H2BC18: variants seen among roughly 807,000 people sequenced by gnomAD.
H2BC18 encodes the protein H2B clustered histone 18.
A neutral mutation model predicts 6.3 loss-of-function variants in H2BC18; 8 were observed. The ratio of observed to expected loss-of-function variants is 1.28; its 90% CI spans 0.75 to 2.31. The LOEUF is 2.31. H2BC18 is among the 30% of genes most tolerant of loss of function. The probability of loss-of-function intolerance (pLI) is 0.00; values close to 1 mark genes in which losing one functional copy is unlikely to be tolerated. For synonymous variants in H2BC18, 104 were observed against 78.1 expected, an observed-to-expected ratio of 1.33 and a Z score of -1.75; for missense variants, 106 against 174.5, an observed-to-expected ratio of 0.61 and a Z score of 2.21.
rs587631305 is a variant in H2BC18, at chr1:149,801,031, A to G, written c.377+10916T>C. Among the ~76,000 whole-genome samples, 6 of 152,322 alleles carry G rather than the reference A, an allele frequency of 3.9e-5. No homozygotes were observed. In the East Asian group the frequency reaches 7.7e-4, roughly 20 times the overall value. On this transcript the variant is annotated intron_variant, in intron 1 of 1. Transcript: ENST00000545683. ...AGCCCAGGAGGTTGGGGCTGCAGTG[A>G]GTTGAGATCGTGCCACTGCACTCCA...
chr1:149,807,100 CAGT>C (rs2091924435), downstream of H2BC18, among the ~76,000 whole-genome samples: 1 of 152,108 alleles, frequency 6.6e-6, no homozygotes, highest in Admixed American at 6.6e-5. Flanking sequence ...AGCAGGGAAA[CAGT>C]GGTGGAGGTG....
chr1:149,808,248 G>A (rs587701977), downstream of H2BC18, among the ~76,000 whole-genome samples: 13 of 152,292 alleles, frequency 8.5e-5, no homozygotes, highest in African/African-American at 2.6e-4. Flanking sequence ...TGATATACTC[G>A]TCACACAGAA....
chr1:149,798,475 G>A (rs1403546533), intron 1 of H2BC18, among the ~76,000 whole-genome samples: 1 of 151,954 alleles, frequency 6.6e-6, no homozygotes, highest in African/African-American at 2.4e-5. Context: ...ACTTATCACT[G>A]TGATTGTTGA....
chr1:149,809,616 G>A (rs1172552037), downstream of H2BC18, among the ~76,000 whole-genome samples: 43 of 145,814 alleles, frequency 2.9e-4, no homozygotes, highest in African/African-American at 1.0e-3. Flanking sequence ...AATAAATACC[G>A]AGAAGCATAT....
intron 1 of H2BC18, chr1:149,786,889 T>C (rs1553750897): frequency 6.6e-6 from 1 of 152,218 alleles, no homozygotes; most frequent in East Asian, 1.9e-4. Context: ...TTAGTATTTG[T>C]TGAAAATTGC....
chr1:149,788,804 A>G (rs1470150958), intron 1 of H2BC18, among the ~76,000 whole-genome samples: 2 of 152,136 alleles, frequency 1.3e-5, no homozygotes, highest in Non-Finnish European at 2.9e-5. Flanking sequence ...TCCTAGTCCA[A>G]TACTCTTTCC....
chr1:149,793,090 C>T, intron 1 of H2BC18: 1 of 1,274,044 alleles, frequency 7.8e-7, no homozygotes, highest in Non-Finnish European at 1.0e-6. Flanking sequence ...TTGCAGCTGC[C>T]GCCAAGCCCC....
Position 149,812,348 on chromosome 1 carries a change from G to T in H2BC18, c.-25C>A. On this transcript the variant is annotated 5_prime_UTR_variant, in exon 1 of 1. Coordinates refer to ENST00000369167, the MANE Select transcript of H2BC18 (RefSeq NM_001024599.5). ...TTTTTGCGCGAAAAAAGAGAAAAGAGACTTAAAGAAGTAATCCGAACTACC... is the reference window on the plus strand; with the variant it reads ...TTTTTGCGCGAAAAAAGAGAAAAGATACTTAAAGAAGTAATCCGAACTACC... 1 of 1,614,074 alleles carries T rather than the reference G, an allele frequency of 6.2e-7. No individual in the cohort carries two copies. Among genetic ancestry groups the T allele is most frequent in the Non-Finnish European group, 8.5e-7 (1 of 1,179,998 alleles).
chr1:149,790,638 T>C (rs1553751687), intron 1 of H2BC18, among the ~76,000 whole-genome samples: 2 of 149,040 alleles, frequency 1.3e-5, no homozygotes, highest in Admixed American at 6.7e-5. Context: ...TCCCTCCCAC[T>C]CTTCCCTCCA....
rs1176163270 is a variant in H2BC18, at chr1:149,793,638, C to T, written c.378-10378G>A. Among the ~76,000 whole-genome samples the T allele has an allele frequency of 2.0e-5, 3 of 151,786 alleles. No individual in the cohort carries two copies. The East Asian group carries it at 5.8e-4, about 29-fold the overall frequency. On this transcript the variant is annotated intron_variant, in intron 1 of 1. Transcript: ENST00000545683. ...AGGGTCTTGGGCCCATCCTTCAATC[C>T]GAGAGCTTCCAAGCCAAAGCACAGC...
At chr1:149,789,274 T>C (rs2091635087) in intron 1 of H2BC18, among the ~76,000 whole-genome samples, 1 of 152,016 alleles carries the variant, frequency 6.6e-6, no homozygotes, top group South Asian at 2.1e-4. Flanking sequence ...GCACCTGTAG[T>C]CCCAGCTACT....
At chr1:149,784,069 C>A (rs1553750499) in intron 1 of H2BC18, 3 of 1,611,034 alleles carry the variant, frequency 1.9e-6, no homozygotes, top group Non-Finnish European at 2.5e-6. Flanking sequence ...GAAACCGTAA[C>A]CTTGCACTGT....
At chr1:149,793,786 C>T (rs1227883172) in intron 1 of H2BC18, among the ~76,000 whole-genome samples, 1 of 151,826 alleles carries the variant, frequency 6.6e-6, no homozygotes, top group African/African-American at 2.4e-5. Flanking sequence ...GCCACAAGAG[C>T]TTCTGTAAGA....
chr1:149,793,200 G>A, intron 1 of H2BC18: 4 of 1,277,538 alleles, frequency 3.1e-6, no homozygotes, highest in South Asian at 1.2e-5. Flanking sequence ...CTCCCAGCAG[G>A]CGCCCCATTT....
intron 1 of H2BC18, chr1:149,784,206 C>A: frequency 6.2e-7 from 1 of 1,611,312 alleles, no homozygotes; most frequent in South Asian, 1.1e-5. Flanking sequence ...ATACAGGTGC[C>A]AGAGAGGTCT....
At chr1:149,802,486 T>G (rs1366174053) in intron 1 of H2BC18, among the ~76,000 whole-genome samples, 38 of 152,244 alleles carry the variant, frequency 2.5e-4, no homozygotes, top group East Asian at 1.2e-3. Context: ...CCCTTTGTAT[T>G]AGAGTTCTCC....
intron 1 of H2BC18, among the ~76,000 whole-genome samples, chr1:149,806,180 G>A (rs587762594): frequency 2.2e-4 from 33 of 151,908 alleles, no homozygotes; most frequent in South Asian, 1.0e-3. Context: ...GAAGCCAAGC[G>A]CCCAGAAAGC....
At chr1:149,811,798 C>T (rs2091977795), downstream of H2BC18, 2 of 700,562 alleles carry the variant, frequency 2.9e-6, no homozygotes, top group Non-Finnish European at 4.8e-6. Context: ...CCGAATGCAT[C>T]CGTGACCATG....
chr1:149,802,340 A>AAT (rs2091880878), intron 1 of H2BC18, among the ~76,000 whole-genome samples: 1 of 152,110 alleles, frequency 6.6e-6, no homozygotes, highest in Non-Finnish European at 1.5e-5. Flanking sequence ...TCCTATGGCT[A>AAT]ATATATATAC....
Sources: gnomAD v4.1 joint callset for allele counts (sites outside exome capture counted in the v4.1 genomes callset) on GRCh38, gnomAD v4.1.1 for gene constraint, MANE v1.5 for transcripts, NCBI Gene and HGNC (gene_info 2026-07-23, HGNC 2026-07-21) for gene names.